The following ZNF609 variants were observed in gnomAD, a reference collection of about 807,000 sequenced individuals.
ZNF609 encodes zinc finger protein 609.
A neutral mutation model predicts 109.5 loss-of-function variants in ZNF609; 11 were observed. That is an observed-to-expected ratio of 0.10 (90% CI 0.06 to 0.17). ZNF609 has a LOEUF of 0.17. Ranked by LOEUF, ZNF609 falls within the 10% of genes least tolerant of loss-of-function variation. ZNF609 has a pLI of 1.00. For synonymous variants in ZNF609, 646 were observed against 662.0 expected (o/e 0.98, Z 0.37); for missense variants, 1,559 against 1,772.4 (o/e 0.88, Z 2.16).
chr15:64,645,105 C>CCCTTCCTTCCTTCCTT (rs71133464), intron 3 of ZNF609, among the ~76,000 whole-genome samples: 14 of 90,792 alleles, frequency 1.5e-4, no homozygotes, highest in African/African-American at 2.5e-4. Context: ...CTCCCTCCCT[C>CCCTTCCTTCCTTCCTT]CCTTCCTTCC....
chr15:64,521,723 T>C (rs1457761930), intron 2 of ZNF609, among the ~76,000 whole-genome samples: 1 of 152,220 alleles, frequency 6.6e-6, no homozygotes, highest in Non-Finnish European at 1.5e-5. Context: ...GTGTGGTTTT[T>C]TAAAATGGAC....
rs777989620 is a variant in ZNF609 at position 64,682,545 on chromosome 15, C to T, written c.*859C>T. 1 of 152,982 alleles carries T rather than the reference C, an allele frequency of 6.5e-6. No homozygotes were observed. The highest frequency in any genetic ancestry group is 2.1e-4 in the South Asian group (1 of 4,840). 9.5% of individuals were successfully genotyped at this position (152,982 alleles called of 1,614,324 possible). ...ACTCCTTGCCCTTTTCCCTTCCCTCCTAACCCCTTGGTGCCTTTCCCAGGG... is the reference window on the plus strand; with the variant it reads ...ACTCCTTGCCCTTTTCCCTTCCCTCTTAACCCCTTGGTGCCTTTCCCAGGG... On this transcript the variant is annotated 3_prime_UTR_variant, in exon 10 of 10. Transcript: ENST00000326648.
Position 64,673,906 on chromosome 15 carries a change from C to T in ZNF609, c.1062-10C>T, listed in dbSNP as rs770747371. Reference sequence around the variant, plus strand: ...TTAATAATATTCTGTTGTGTTTATCCTTTGCCAAGGTTCTGTGACTCCCCG... The same window carrying T: ...TTAATAATATTCTGTTGTGTTTATCTTTTGCCAAGGTTCTGTGACTCCCCG... On this transcript the variant is annotated splice_polypyrimidine_tract_variant and intron_variant, in intron 4 of 9. Coordinates refer to ENST00000326648, the MANE Select transcript of ZNF609 (RefSeq NM_015042.2). The T allele has an allele frequency of 1.2e-6, 2 of 1,605,462 alleles. No homozygotes were observed. Among genetic ancestry groups the T allele is most frequent in the South Asian group, 1.1e-5 (1 of 90,230 alleles).
intron 2 of ZNF609, among the ~76,000 whole-genome samples, chr15:64,575,842 C>G (rs935229044): frequency 7.2e-5 from 11 of 152,166 alleles, no homozygotes; most frequent in African/African-American, 2.7e-4. Context: ...GTGGCTCACG[C>G]CTGTAATCCC....
chr15:64,539,205 T>A (rs904976488), intron 2 of ZNF609, among the ~76,000 whole-genome samples: 3 of 143,988 alleles, frequency 2.1e-5, no homozygotes, highest in Admixed American at 7.0e-5. Flanking sequence ...TTTATTTATT[T>A]ATTATTTTTT....
intron 1 of ZNF609, among the ~76,000 whole-genome samples, chr15:64,490,175 C>T (rs145698210): frequency 1.8e-3 from 271 of 151,774 alleles, no homozygotes; most frequent in Non-Finnish European, 3.6e-3. Flanking sequence ...GTTGCCCAGG[C>T]TGGTCTCAAA....
chr15:64,543,214 C>T (rs560508823), intron 2 of ZNF609, among the ~76,000 whole-genome samples: 1 of 150,504 alleles, frequency 6.6e-6, no homozygotes, highest in South Asian at 2.1e-4. Flanking sequence ...TTAAGACACA[C>T]AGCTCTTCAG....
Position 64,622,859 on chromosome 15 carries a change from G to C in ZNF609, c.780G>C (p.Leu260=), listed in dbSNP as rs373278204. Residue 260 remains leucine, a synonymous_variant, in exon 3 of 10, where the codon CTG becomes CTC. Transcript: ENST00000326648. ...CCCCTGTTTCCACACCAGCAGTGCT[G>C]CCAATACACCTTTTGGTGCCAGTGG... The part of the protein sequence containing the change: ...MESPVSTPAV[L]PIHLLVPVVN... 3.7e-6 allele frequency: 6 copies of C among 1,614,122 alleles called. No individual in the cohort carries two copies. Among genetic ancestry groups the C allele is most frequent in the African/African-American group, 2.7e-5 (2 of 74,952 alleles).
intron 1 of ZNF609, among the ~76,000 whole-genome samples, chr15:64,496,656 C>G (rs935076820): frequency 6.6e-6 from 1 of 152,116 alleles, no homozygotes; most frequent in Non-Finnish European, 1.5e-5. Context: ...GTGCCTGGCA[C>G]GTTGAAGGCA....
intron 6 of ZNF609, among the ~76,000 whole-genome samples, chr15:64,679,332 A>G (rs1273270427): frequency 6.6e-6 from 1 of 152,194 alleles, no homozygotes; most frequent in Non-Finnish European, 1.5e-5. Flanking sequence ...TTGGCCTCCC[A>G]AAGTGCTGAG....
intron 2 of ZNF609, among the ~76,000 whole-genome samples, chr15:64,520,243 G>A (rs1893872283): frequency 6.6e-6 from 1 of 152,182 alleles, no homozygotes; most frequent in Non-Finnish European, 1.5e-5. Context: ...GTAATTCTTT[G>A]TTGTTGGGGT....
intron 2 of ZNF609, among the ~76,000 whole-genome samples, chr15:64,556,864 T>C (rs1031432627): frequency 6.6e-6 from 1 of 152,202 alleles, no homozygotes; most frequent in Non-Finnish European, 1.5e-5. Flanking sequence ...CAAAATATTA[T>C]TTATATCCTA....
At chr15:64,542,314 G>A (rs907460057) in intron 2 of ZNF609, among the ~76,000 whole-genome samples, 2 of 152,102 alleles carry the variant, frequency 1.3e-5, no homozygotes, top group African/African-American at 2.4e-5. Context: ...ACGTAATTTT[G>A]CCTGAATCTA....
chr15:64,551,230 A>G (rs1446550581), intron 2 of ZNF609, among the ~76,000 whole-genome samples: 3 of 152,242 alleles, frequency 2.0e-5, no homozygotes, highest in African/African-American at 4.8e-5. Context: ...TTCATTTTGA[A>G]TTAATTTTTG....
At chr15:64,597,135 G>A (rs1451807728) in intron 2 of ZNF609, among the ~76,000 whole-genome samples, 1 of 152,084 alleles carries the variant, frequency 6.6e-6, no homozygotes, top group Non-Finnish European at 1.5e-5. Context: ...GGAATGACAA[G>A]GGCCACCAGA....
At chr15:64,550,343 T>A (rs996762009) in intron 2 of ZNF609, among the ~76,000 whole-genome samples, 1 of 151,978 alleles carries the variant, frequency 6.6e-6, no homozygotes, top group Non-Finnish European at 1.5e-5. Context: ...GTTGTTGTTG[T>A]TGTTGTTAAA....
chr15:64,531,159 A>G (rs533490394), intron 2 of ZNF609, among the ~76,000 whole-genome samples: 2 of 152,246 alleles, frequency 1.3e-5, no homozygotes, highest in Non-Finnish European at 2.9e-5. Flanking sequence ...GTTATTTAGC[A>G]CTTTGTGATA....
chr15:64,667,868 A>G (rs1896672799), intron 3 of ZNF609, among the ~76,000 whole-genome samples: 1 of 152,202 alleles, frequency 6.6e-6, no homozygotes, highest in Admixed American at 6.5e-5. Context: ...TAGACTAAGA[A>G]TGTGAGGCCA....
At chr15:64,600,449 CAAAAAAAAA>C (rs60948226) in intron 2 of ZNF609, among the ~76,000 whole-genome samples, 3 of 53,822 alleles carry the variant, frequency 5.6e-5, no homozygotes, top group Admixed American at 2.5e-4. Flanking sequence ...GGCTGTGTCT[CAAAAAAAAA>C]AAAAAAAAGA....
Sources: gnomAD v4.1 joint callset for allele counts (sites outside exome capture counted in the v4.1 genomes callset) on GRCh38, gnomAD v4.1.1 for gene constraint, MANE v1.5 for transcripts, NCBI Gene and HGNC (gene_info 2026-07-23, HGNC 2026-07-21) for gene names.